Variants in KIAA1217 observed in about 807,000 individuals in gnomAD.
KIAA1217 encodes sickle tail protein homolog.
In KIAA1217, 88 loss-of-function variants were observed where a neutral mutation model predicts 163.9. The ratio of observed to expected loss-of-function variants is 0.54; its 90% CI spans 0.45 to 0.64. The LOEUF (loss-of-function observed/expected upper bound fraction) is 0.64, where lower values mean the gene tolerates loss of function less well. KIAA1217 is among the 30% of genes least tolerant of loss of function. The pLI is 0.00. For missense variants in KIAA1217, 2,372 were observed against 2,475.0 expected (o/e 0.96, Z 0.88); for synonymous variants, 903 against 923.1 (o/e 0.98, Z 0.39).
At chr10:24,445,829 C>T (rs983958109) in intron 5 of KIAA1217, among the ~76,000 whole-genome samples, 25 of 151,920 alleles carry the variant, frequency 1.6e-4, no homozygotes, top group Non-Finnish European at 2.9e-4. Context: ...TGAATAGTGC[C>T]GCAATAAACA....
At chr10:24,136,925 A>G (rs2063853851) in intron 2 of KIAA1217, among the ~76,000 whole-genome samples, 2 of 152,202 alleles carry the variant, frequency 1.3e-5, no homozygotes, top group Admixed American at 6.5e-5. Context: ...AAAGGTCAAG[A>G]TGTTGCTAAC....
At chr10:24,429,542 C>G (rs1352573591) in intron 3 of KIAA1217, among the ~76,000 whole-genome samples, 1 of 152,068 alleles carries the variant, frequency 6.6e-6, no homozygotes, top group East Asian at 1.9e-4. Flanking sequence ...CCTCCACTTT[C>G]TGAGATTGCG....
At chr10:23,948,650 G>A (rs1844170165) in intron 1 of KIAA1217, among the ~76,000 whole-genome samples, 1 of 152,054 alleles carries the variant, frequency 6.6e-6, no homozygotes. Flanking sequence ...GCTCCATGAA[G>A]GCAAGGTTTT....
At chr10:23,872,539 ATC>A (rs1840504503) in intron 1 of KIAA1217, among the ~76,000 whole-genome samples, 1 of 152,068 alleles carries the variant, frequency 6.6e-6, no homozygotes, top group South Asian at 2.1e-4. Context: ...CCACAAATAT[ATC>A]TCCACTAGCT....
At chr10:23,883,017 A>G (rs2131193997) in intron 1 of KIAA1217, among the ~76,000 whole-genome samples, 1 of 152,046 alleles carries the variant, frequency 6.6e-6, no homozygotes, top group South Asian at 2.1e-4. Flanking sequence ...TTTTACCTAG[A>G]ATGATTTGCA....
intron 2 of KIAA1217, among the ~76,000 whole-genome samples, chr10:24,102,587 A>G (rs1246891674): frequency 6.6e-6 from 1 of 152,232 alleles, no homozygotes; most frequent in Non-Finnish European, 1.5e-5. Flanking sequence ...AGCCAACACC[A>G]TATTGAAGGA....
chr10:23,743,242 GAA>G (rs11446205), intron 1 of KIAA1217, among the ~76,000 whole-genome samples: 1 of 144,646 alleles, frequency 6.9e-6, no homozygotes, highest in African/African-American at 2.5e-5. Context: ...GATGAACTTT[GAA>G]AAAAAAAAAA....
chr10:24,341,347 T>C (rs1453886062), intron 2 of KIAA1217, among the ~76,000 whole-genome samples: 1 of 152,098 alleles, frequency 6.6e-6, no homozygotes, highest in African/African-American at 2.4e-5. Context: ...AGTTGGAAGA[T>C]TGTCAAGCCA....
chr10:24,414,712 T>C (rs1197698087), intron 3 of KIAA1217, among the ~76,000 whole-genome samples: 1 of 152,228 alleles, frequency 6.6e-6, no homozygotes, highest in African/African-American at 2.4e-5. Context: ...CCTTGCGGAC[T>C]CGCCCCACCC....
intron 2 of KIAA1217, among the ~76,000 whole-genome samples, chr10:24,309,348 GCGCACACACACACACACA>G (rs1280471532): frequency 1.6e-3 from 198 of 125,468 alleles, no homozygotes; most frequent in African/African-American, 5.6e-3. Flanking sequence ...GCACGCGCGC[GCGCACACACACACACACA>G]CACACACACA....
chr10:24,129,040 A>G (rs974858612), intron 2 of KIAA1217, among the ~76,000 whole-genome samples: 19 of 152,268 alleles, frequency 1.2e-4, no homozygotes, highest in African/African-American at 4.3e-4. Context: ...TAGGGTAGTA[A>G]TCCTTTCTCA....
In KIAA1217 at chr10:23,843,823, T is replaced by A. The variant is rs145458929; in HGVS notation, c.-321+148589T>A. On this transcript the variant is annotated intron_variant, in intron 1 of 18. Coordinates refer to the KIAA1217 transcript ENST00000376462. ...CCAAAAGAAAATTCAACCGATCTCTTCCTAACCAGGCAAACTTGGTTAAAA... is the reference window on the plus strand; with the variant it reads ...CCAAAAGAAAATTCAACCGATCTCTACCTAACCAGGCAAACTTGGTTAAAA... Among the ~76,000 whole-genome samples the A allele has an allele frequency of 3.3e-5, 5 of 152,280 alleles. No individual in the cohort carries two copies. In the East Asian group the frequency reaches 9.6e-4, roughly 29 times the overall value.
chr10:24,081,450 T>C (rs1424565275), intron 2 of KIAA1217, among the ~76,000 whole-genome samples: 1 of 152,170 alleles, frequency 6.6e-6, no homozygotes, highest in East Asian at 1.9e-4. Context: ...GACCCTGGGA[T>C]GGCACCTGCT....
chr10:23,839,279 G>A (rs1457986389), intron 1 of KIAA1217, among the ~76,000 whole-genome samples: 1 of 152,084 alleles, frequency 6.6e-6, no homozygotes, highest in East Asian at 1.9e-4. Flanking sequence ...CAGTATTGCT[G>A]ACAATCTTCT....
intron 1 of KIAA1217, among the ~76,000 whole-genome samples, chr10:23,934,142 G>A (rs891875652): frequency 4.6e-5 from 7 of 152,052 alleles, no homozygotes; most frequent in Admixed American, 3.3e-4. Flanking sequence ...CAACCCAAAC[G>A]CCTATCAGTG....
intron 1 of KIAA1217, among the ~76,000 whole-genome samples, chr10:23,708,061 A>T (rs997233093): frequency 6.6e-6 from 1 of 152,222 alleles, no homozygotes; most frequent in Non-Finnish European, 1.5e-5. Context: ...TTACAGTTCA[A>T]TGTGGCTGGG....
At chr10:23,958,323 A>ATGGC (rs1844658521) in intron 1 of KIAA1217, among the ~76,000 whole-genome samples, 1 of 152,294 alleles carries the variant, frequency 6.6e-6, no homozygotes, top group African/African-American at 2.4e-5. Flanking sequence ...GGGTTGAAAG[A>ATGGC]TGGCTTTGAA....
At chr10:24,143,626 C>T (rs547857887) in intron 2 of KIAA1217, among the ~76,000 whole-genome samples, 3 of 152,186 alleles carry the variant, frequency 2.0e-5, no homozygotes, top group Non-Finnish European at 2.9e-5. Context: ...TCTGCTTCTG[C>T]TTCTACTTAT....
At chr10:24,083,826 T>C (rs1444460364) in intron 2 of KIAA1217, among the ~76,000 whole-genome samples, 2 of 152,150 alleles carry the variant, frequency 1.3e-5, no homozygotes, top group African/African-American at 4.8e-5. Context: ...CCTTGTGTAA[T>C]GAGTGCATGA....
Sources: allele counts gnomAD v4.1 joint callset (sites outside exome capture counted in the v4.1 genomes callset), GRCh38; gene constraint gnomAD v4.1.1; transcripts MANE v1.5; gene names NCBI Gene and HGNC (gene_info 2026-07-23, HGNC 2026-07-21).